PLPPR3: variants seen among roughly 807,000 people sequenced by gnomAD.
PLPPR3 encodes phospholipid phosphatase related 3.
PLPPR3 carries 14 observed loss-of-function variants against 27.3 expected under a neutral mutation model. That is an observed-to-expected ratio of 0.51 (90% CI 0.34 to 0.80). The LOEUF (loss-of-function observed/expected upper bound fraction) is 0.80, where lower values mean the gene tolerates loss of function less well. Ranked by LOEUF, PLPPR3 falls within the 30% of genes least tolerant of loss-of-function variation. The pLI is 0.01. For synonymous variants in PLPPR3, 671 were observed against 508.0 expected, an observed-to-expected ratio of 1.32 and a Z score of -4.32; for missense variants, 1,287 against 1,056.9, an observed-to-expected ratio of 1.22 and a Z score of -3.02.
intron 2 of PLPPR3, among the ~76,000 whole-genome samples, chr19:821,055 G>C (rs997469842): frequency 1.3e-5 from 2 of 152,118 alleles, no homozygotes; most frequent in African/African-American, 4.8e-5. Flanking sequence ...GTGGAAAAGC[G>C]GAGGCCCAGA....
At position 812,995 on chromosome 19, in the gene PLPPR3, C is replaced by A. The variant is rs1473999434; in HGVS notation, c.1732G>T (p.Ala578Ser). The change falls in exon 8 of 8, where the codon GCC becomes TCC. Residue 578 changes from alanine to serine, a missense_variant. Ala to Ser is a moderately conservative substitution (Grantham distance 99, BLOSUM62 1). Coordinates refer to ENST00000520876, the MANE Select transcript of PLPPR3 (RefSeq NM_001270366.2). ...TGCGCGTCGATGGTCACGATGCTGG[C>A]GGAGTCGCGGTCCGACGGCGACCGG... ...QYRSPSDRDS[A>S]SIVTIDAHAP... 20 of 1,512,094 alleles carry A rather than the reference C, an allele frequency of 1.3e-5. No individual in the cohort carries two copies. The highest frequency in any genetic ancestry group is 1.4e-5 in the African/African-American group (1 of 69,028). The allele number at this position is 1,512,094 out of a possible 1,614,324, so 93.7% of individuals were successfully genotyped here. A position where few individuals can be genotyped will look rare whatever the true frequency, so the allele number is the denominator to read the frequency against.
rs1185809399 is a variant in PLPPR3, at chr19:812,632, C to G, written c.2095G>C (p.Glu699Gln). The change falls in exon 8 of 8, where the codon GAG (glutamate) becomes CAG (glutamine). Residue 699 changes from glutamate to glutamine, a missense_variant. By Grantham distance (29) the Glu-to-Gln change is conservative. Transcript: ENST00000520876. Reference protein sequence around the residue: ...HAGGLGLAEREAEAEAEGYFR... With the variant: ...HAGGLGLAERQAEAEAEGYFR... ...TAGCCCTCGGCCTCCGCCTCCGCCT[C>G]GCGCTCCGCCAGCCCCAGGCCGCCC... 3 of 1,107,600 alleles carry G rather than the reference C, an allele frequency of 2.7e-6. No individual in the cohort carries two copies. The highest frequency in any genetic ancestry group is 3.3e-6 in the Non-Finnish European group (3 of 899,186). The allele number at this position is 1,107,600 out of a possible 1,614,324, so 68.6% of individuals were successfully genotyped here.
intron 3 of PLPPR3, 27 bp downstream of exon 3, chr19:815,639 G>A: frequency 6.4e-7 from 1 of 1,553,618 alleles, no homozygotes; most frequent in Non-Finnish European, 8.7e-7. Flanking sequence ...CCCACAGGCT[G>A]GCACAGGCCC....
At chr19:823,190 C>A (rs570115753), upstream of PLPPR3, among the ~76,000 whole-genome samples, 9 of 151,892 alleles carry the variant, frequency 5.9e-5, no homozygotes, top group African/African-American at 2.2e-4. Context: ...GCCTATAATC[C>A]CAGCACTTTG....
intron 2 of PLPPR3, among the ~76,000 whole-genome samples, chr19:818,755 G>C (rs915220921): frequency 1.3e-5 from 2 of 151,904 alleles, no homozygotes; most frequent in Admixed American, 1.3e-4. Context: ...GGATGGTCTC[G>C]ATCTCCTGAC....
intron 7 of PLPPR3, among the ~76,000 whole-genome samples, 196 bp downstream of exon 7, chr19:814,238 C>G (rs1227007106): frequency 3.1e-5 from 4 of 130,412 alleles, no homozygotes; most frequent in Non-Finnish European, 4.8e-5. Context: ...ACCCTCTGGG[C>G]CAGCCCCCCG....
intron 2 of PLPPR3, among the ~76,000 whole-genome samples, chr19:818,974 TA>T (rs2035105710): frequency 1.8e-5 from 2 of 110,770 alleles, no homozygotes; most frequent in African/African-American, 8.2e-5. Context: ...ATTATTATTT[TA>T]TTTATTATTA....
Position 813,521 on chromosome 19 carries a change from C to G in PLPPR3, c.1206G>C (p.Ser402=). ...ACTCGCTGATGAGCTGCTTGGAGCG[C>G]GAGGCGTCCAGCGGCACGTGGATGG... ...HMTIHVPLDA[S]RSKQLISEWK... Residue 402 remains serine (S), a synonymous_variant, in exon 8 of 8, where the codon TCG becomes TCC. Transcript: ENST00000520876. This position sits in a 1 kb window ranked among gnomAD's most constrained non-coding sequence, Gnocchi z 4.1. The G allele has an allele frequency of 6.4e-7, 1 of 1,559,514 alleles. No homozygotes were observed. The highest frequency in any genetic ancestry group is 8.7e-7 in the Non-Finnish European group (1 of 1,154,906).
intron 2 of PLPPR3, among the ~76,000 whole-genome samples, chr19:818,694 C>T (rs920792745): frequency 3.3e-5 from 5 of 151,876 alleles, no homozygotes; most frequent in Admixed American, 6.6e-5. Flanking sequence ...CCACCGCGCC[C>T]GGCTAATTTT....
At chr19:814,283 G>A (rs2035011539) in intron 7 of PLPPR3, 151 bp downstream of exon 7, 3 of 730,998 alleles carry the variant, frequency 4.1e-6, no homozygotes, top group South Asian at 3.9e-5. Flanking sequence ...CACCCCTCAG[G>A]CTACCAGCCT....
Position 821,563 on chromosome 19 carries a change from G to T in PLPPR3, c.-4C>A. On this transcript the variant is annotated 5_prime_UTR_variant, in exon 2 of 8. Coordinates refer to ENST00000520876, the MANE Select transcript of PLPPR3 (RefSeq NM_001270366.2). ...TCTTCTCCTTGGTGGAGATCATGGT[G>T]CCGCGGGCGCCGCAGGCCGTGGCTG... The T allele has an allele frequency of 2.7e-6, 4 of 1,480,122 alleles. No individual in the cohort carries two copies. Among genetic ancestry groups the T allele is most frequent in the Non-Finnish European group, 3.6e-6 (4 of 1,108,048 alleles). 91.7% of individuals were successfully genotyped at this position (1,480,122 alleles called of 1,614,324 possible).
At chr19:817,241 G>T (rs1873400137) in intron 2 of PLPPR3, among the ~76,000 whole-genome samples, 3 of 152,102 alleles carry the variant, frequency 2.0e-5, no homozygotes, top group African/African-American at 7.2e-5. Flanking sequence ...GCCTCCCAAA[G>T]TGCTGGGATT....
intron 2 of PLPPR3, among the ~76,000 whole-genome samples, chr19:818,901 T>C (rs2145080009): frequency 6.7e-6 from 1 of 149,292 alleles, no homozygotes; most frequent in African/African-American, 2.5e-5. Context: ...TCAAGTGATC[T>C]TCCTGCCTCA....
Position 813,144 on chromosome 19 carries a change from G to T in PLPPR3, c.1583C>A (p.Ala528Glu). ...CAGCCGCGGAGGGTTGGCCACTGCC[G>T]CCCCGCTCTTCTCGGCCATCATGAG... ...KWLMMAEKSG[A>E]AVANPPRLLQ... Residue 528 changes from alanine (A) to glutamate (E), a missense_variant, in exon 8 of 8, where the codon GCG (alanine) becomes GAG (glutamate). Transcript: ENST00000520876. The surrounding 1 kb of genome is among the most constrained non-coding windows in gnomAD (Gnocchi z 4.1). The T allele has an allele frequency of 6.6e-7, 1 of 1,521,804 alleles. No individual in the cohort carries two copies. The highest frequency in any genetic ancestry group is 2.0e-5 in the Admixed American group (1 of 49,272). The allele number at this position is 1,521,804 out of a possible 1,614,324, so 94.3% of individuals were successfully genotyped here.
chr19:817,417 C>T (rs1465268847), intron 2 of PLPPR3, among the ~76,000 whole-genome samples: 1 of 152,086 alleles, frequency 6.6e-6, no homozygotes, highest in Non-Finnish European at 1.5e-5. Flanking sequence ...GAATTACAAG[C>T]GTGCACTACC....
At chr19:821,373 C>T (rs1021462405) in intron 2 of PLPPR3, 112 bp downstream of exon 2, 3 of 904,742 alleles carry the variant, frequency 3.3e-6, no homozygotes, top group Non-Finnish European at 4.7e-6. Context: ...CTGCCCCGCC[C>T]CGAGGCCACT....
chr19:821,567 C>T lies in PLPPR3; in HGVS notation c.-8G>A. 2 of 1,443,570 alleles carry T rather than the reference C, an allele frequency of 1.4e-6. No individual in the cohort carries two copies. The highest frequency in any genetic ancestry group is 1.8e-6 in the Non-Finnish European group (2 of 1,085,524). 89.4% of individuals were successfully genotyped at this position (1,443,570 alleles called of 1,614,324 possible). On this transcript the variant is annotated 5_prime_UTR_variant, in exon 2 of 8. Transcript: ENST00000520876. Reference sequence around the variant, plus strand: ...CTCCTTGGTGGAGATCATGGTGCCGCGGGCGCCGCAGGCCGTGGCTGGAGG... The same window carrying T: ...CTCCTTGGTGGAGATCATGGTGCCGTGGGCGCCGCAGGCCGTGGCTGGAGG...
Position 821,580 on chromosome 19 carries a change from C to A in PLPPR3, c.-21G>T. ...ATCATGGTGCCGCGGGCGCCGCAGG[C>A]CGTGGCTGGAGGGGAGAAAGCGGCG... On this transcript the variant is annotated 5_prime_UTR_variant, in exon 2 of 8. Coordinates refer to ENST00000520876, the MANE Select transcript of PLPPR3 (RefSeq NM_001270366.2). The A allele has an allele frequency of 6.1e-6, 9 of 1,464,670 alleles. No individual in the cohort carries two copies. In the South Asian group the frequency reaches 1.0e-4, roughly 17 times the overall value. The allele number at this position is 1,464,670 out of a possible 1,614,324, so 90.7% of individuals were successfully genotyped here. A position where few individuals can be genotyped will look rare whatever the true frequency, so the allele number is the denominator to read the frequency against.
rs755969666 is a variant in PLPPR3 at position 812,675 on chromosome 19, G to A, written c.2052C>T (p.Ser684=). Residue 684 remains serine (S), a synonymous_variant, in exon 8 of 8, where the codon TCC becomes TCT. Transcript: ENST00000520876. ...GGCCGCCCGCGTGGCGCCGCAGCGTGGACTCCCGGCTGCCCGGGCCCAGCG... is the reference window on the plus strand; with the variant it reads ...GGCCGCCCGCGTGGCGCCGCAGCGTAGACTCCCGGCTGCCCGGGCCCAGCG... ...DGALGPGSRE[S]TLRRHAGGLG... is the part of the protein sequence containing the mutation. 9.5e-7 allele frequency: 1 copy of A among 1,054,746 alleles called. No individual in the cohort carries two copies. The highest frequency in any genetic ancestry group is 1.1e-6 in the Non-Finnish European group (1 of 873,502). The allele number at this position is 1,054,746 out of a possible 1,614,324, so 65.3% of individuals were successfully genotyped here.
Sources: gnomAD v4.1 joint callset for allele counts (sites outside exome capture counted in the v4.1 genomes callset) on GRCh38, gnomAD v4.1.1 for gene constraint, Gnocchi (gnomAD v3.1) non-coding constraint, MANE v1.5 for transcripts, NCBI Gene and HGNC (gene_info 2026-07-23, HGNC 2026-07-21) for gene names.